Variants in SPAG16 observed in about 807,000 individuals in gnomAD.
The protein encoded by SPAG16 is sperm-associated antigen 16 protein.
In SPAG16, 86 loss-of-function variants were observed where a neutral mutation model predicts 80.4. That is an observed-to-expected ratio of 1.07 (90% CI 0.90 to 1.28). SPAG16 has a LOEUF of 1.28. SPAG16 is among the 50% of genes most tolerant of loss of function. SPAG16 has a pLI of 0.00. For missense variants in SPAG16, 870 were observed against 765.3 expected (o/e 1.14, Z -1.61); for synonymous variants, 294 against 265.9 (o/e 1.11, Z -1.03).
chr2:213,356,284 C>G (rs1374980878), intron 7 of SPAG16, among the ~76,000 whole-genome samples: 1 of 152,166 alleles, frequency 6.6e-6, no homozygotes, highest in Non-Finnish European at 1.5e-5. Flanking sequence ...GGAGGATTCC[C>G]TCTTTCTCTA....
chr2:213,938,469 A>T (rs1445573127), intron 12 of SPAG16, among the ~76,000 whole-genome samples: 1 of 151,970 alleles, frequency 6.6e-6, no homozygotes, highest in East Asian at 1.9e-4. Flanking sequence ...CTCAAAATTA[A>T]TTTTAGAGTG....
chr2:213,833,550 TATATATAATATATATAA>T (rs2073893728), intron 10 of SPAG16, among the ~76,000 whole-genome samples: 1 of 2,766 alleles, frequency 3.6e-4, no homozygotes, highest in African/African-American at 9.1e-4. Flanking sequence ...ATATATATAA[TATATATAATATATATAA>T]TATATATATA....
intron 10 of SPAG16, among the ~76,000 whole-genome samples, chr2:213,612,710 G>T (rs774115190): frequency 1.3e-5 from 2 of 151,974 alleles, no homozygotes; most frequent in Non-Finnish European, 1.5e-5. Context: ...ACGCAGTTTC[G>T]CTCTTGTTGC....
chr2:214,192,733 G>A (rs1488684014), intron 15 of SPAG16, among the ~76,000 whole-genome samples: 1 of 151,832 alleles, frequency 6.6e-6, no homozygotes, highest in Non-Finnish European at 1.5e-5. Flanking sequence ...GTATCTTCTG[G>A]TTAACAGAGA....
At chr2:214,094,519 T>C (rs980266413) in intron 13 of SPAG16, among the ~76,000 whole-genome samples, 1 of 152,082 alleles carries the variant, frequency 6.6e-6, no homozygotes, top group African/African-American at 2.4e-5. Context: ...GCTTGGTTCT[T>C]AGGCACCCTA....
chr2:213,649,188 A>G (rs1014994353), intron 10 of SPAG16, among the ~76,000 whole-genome samples: 5 of 152,224 alleles, frequency 3.3e-5, no homozygotes, highest in Non-Finnish European at 5.9e-5. Flanking sequence ...GAAAAGAGAC[A>G]TTTTGAATAA....
At chr2:213,920,540 C>T (rs1041737395) in intron 11 of SPAG16, among the ~76,000 whole-genome samples, 1 of 152,170 alleles carries the variant, frequency 6.6e-6, no homozygotes, top group Non-Finnish European at 1.5e-5. Flanking sequence ...TGGTGTGTGG[C>T]CATGGGGGCT....
intron 13 of SPAG16, among the ~76,000 whole-genome samples, chr2:214,037,269 T>A (rs2048745786): frequency 6.6e-6 from 1 of 152,040 alleles, no homozygotes. Flanking sequence ...AGAAATTCTT[T>A]AAATTTGTTT....
chr2:214,174,025 A>T (rs1261446996), intron 15 of SPAG16, among the ~76,000 whole-genome samples: 3 of 152,000 alleles, frequency 2.0e-5, no homozygotes, highest in South Asian at 4.1e-4. Flanking sequence ...AAATTCAACA[A>T]TCCTTCATGC....
chr2:214,018,288 A>G (rs1337184176), intron 13 of SPAG16, among the ~76,000 whole-genome samples: 1 of 152,082 alleles, frequency 6.6e-6, no homozygotes, highest in Non-Finnish European at 1.5e-5. Flanking sequence ...ACTTTAAATC[A>G]CCCAGGTTTT....
chr2:213,332,630 A>G (rs1203786830), intron 5 of SPAG16, among the ~76,000 whole-genome samples: 1 of 152,184 alleles, frequency 6.6e-6, no homozygotes, highest in East Asian at 1.9e-4. Flanking sequence ...ATCAACAAAA[A>G]TACCAGCCAG....
intron 10 of SPAG16, among the ~76,000 whole-genome samples, chr2:213,750,954 C>T (rs985366203): frequency 3.9e-5 from 6 of 152,080 alleles, no homozygotes; most frequent in Admixed American, 3.9e-4. Context: ...TTCTGTGACC[C>T]TCACAGTTGT....
At chr2:213,879,408 T>C (rs1028712031) in intron 11 of SPAG16, among the ~76,000 whole-genome samples, 20 of 151,250 alleles carry the variant, frequency 1.3e-4, no homozygotes, top group South Asian at 8.4e-4. Flanking sequence ...TATATACATA[T>C]ACACACACAC....
chr2:213,603,349 T>C (rs1469740386), intron 10 of SPAG16, among the ~76,000 whole-genome samples: 1 of 152,262 alleles, frequency 6.6e-6, no homozygotes, highest in Non-Finnish European at 1.5e-5. Flanking sequence ...GCCAATCTTC[T>C]GATGCTTATA....
rs374790652 is a variant in SPAG16 at position 213,733,593 on chromosome 2, AC to A, written c.1071-128891del. ...ACAAAAATGTAAAGGCCTCCCCAAG[AC>A]TATGGCCTCCAAGACTTTCTTGTAT... On this transcript the variant is annotated intron_variant, in intron 10 of 15. Transcript: ENST00000331683. Among the ~76,000 whole-genome samples, 394 of 151,046 alleles carry A rather than the reference AC, an allele frequency of 2.6e-3. 3 individuals carry two copies. Among genetic ancestry groups the A allele is most frequent in the Non-Finnish European group, 4.5e-3 (303 of 67,920 alleles).
intron 10 of SPAG16, among the ~76,000 whole-genome samples, chr2:213,490,810 G>T (rs1419345639): frequency 6.6e-6 from 1 of 152,042 alleles, no homozygotes; most frequent in East Asian, 1.9e-4. Flanking sequence ...CCAAATTTAT[G>T]TAATTGTTCT....
At position 213,938,354 on chromosome 2, in the gene SPAG16, G is replaced by A. The variant is rs115978658; in HGVS notation, c.1400+8209G>A. On this transcript the variant is annotated intron_variant, in intron 12 of 15. Transcript: ENST00000331683. ...ATCTGAGGTAAAAAATGAAAATCAC[G>A]TTTGTTTTATATTTAAGATTTACTT... Among the ~76,000 whole-genome samples the A allele has an allele frequency of 7.8e-3, 1,185 of 151,714 alleles. 11 individuals carry two copies. Among genetic ancestry groups the A allele is most frequent in the African/African-American group, 0.024 (978 of 41,434 alleles).
chr2:213,404,282 G>A (rs567031930), intron 9 of SPAG16, among the ~76,000 whole-genome samples: 4 of 152,160 alleles, frequency 2.6e-5, no homozygotes, highest in African/African-American at 9.7e-5. Context: ...AAAGCTGGAG[G>A]CATCACTCTA....
chr2:214,088,001 T>G lies in SPAG16; in HGVS notation c.1528-20195T>G, dbSNP rs188465940. Among the ~76,000 whole-genome samples the G allele has an allele frequency of 1.1e-4, 16 of 152,086 alleles. No homozygotes were observed. In the East Asian group the frequency reaches 2.1e-3, roughly 20 times the overall value. On this transcript the variant is annotated intron_variant, in intron 13 of 15. Coordinates refer to ENST00000331683, the MANE Select transcript of SPAG16 (RefSeq NM_024532.5). Reference sequence around the variant, plus strand: ...GACATTTACTTTAAAAGACCTGATATGTAAACAGAAAAGTATGAAAAAATG... The same window carrying G: ...GACATTTACTTTAAAAGACCTGATAGGTAAACAGAAAAGTATGAAAAAATG...
Sources: gnomAD v4.1 joint callset for allele counts (sites outside exome capture counted in the v4.1 genomes callset) on GRCh38, gnomAD v4.1.1 for gene constraint, MANE v1.5 for transcripts, NCBI Gene and HGNC (gene_info 2026-07-23, HGNC 2026-07-21) for gene names.